GALNTL6: variants seen among roughly 807,000 people sequenced by gnomAD.
GALNTL6 encodes polypeptide N-acetylgalactosaminyltransferase-like 6.
A neutral mutation model predicts 73.7 loss-of-function variants in GALNTL6; 46 were observed. The ratio of observed to expected loss-of-function variants is 0.62; its 90% CI spans 0.49 to 0.80. The LOEUF (loss-of-function observed/expected upper bound fraction) is 0.80. GALNTL6 is among the 30% of genes least tolerant of loss of function. GALNTL6 has a pLI of 0.00. For synonymous variants in GALNTL6, 259 were observed against 263.7 expected (o/e 0.98, Z 0.17); for missense variants, 604 against 755.0 (o/e 0.80, Z 2.34).
intron 3 of GALNTL6, among the ~76,000 whole-genome samples, chr4:172,235,054 T>C (rs1004711447): frequency 6.6e-6 from 1 of 152,182 alleles, no homozygotes; most frequent in Non-Finnish European, 1.5e-5. Flanking sequence ...TCTAAATGTT[T>C]ATATTTATTA....
At chr4:172,611,839 T>C (rs980244405) in intron 5 of GALNTL6, among the ~76,000 whole-genome samples, 1 of 152,088 alleles carries the variant, frequency 6.6e-6, no homozygotes, top group Non-Finnish European at 1.5e-5. Flanking sequence ...GAGATTCTGA[T>C]TGTTTACACA....
chr4:172,684,703 C>T lies in GALNTL6; in HGVS notation c.554-124658C>T, dbSNP rs189197144. 3.9e-3 allele frequency among the ~76,000 whole-genome samples: 601 copies of T among 152,232 alleles called. 11 individuals carry two copies. Among genetic ancestry groups the T allele is most frequent in the Admixed American group, 4.7e-3 (72 of 15,290 alleles). ...TGGAAAAGAGATGAACCTTTGGTGG[C>T]TCACTGGGAGTGGAATGGCCTAGAA... On this transcript the variant is annotated intron_variant, in intron 5 of 12. Coordinates refer to ENST00000506823, the MANE Select transcript of GALNTL6 (RefSeq NM_001034845.3).
chr4:172,239,685 A>T (rs962972109), intron 3 of GALNTL6, among the ~76,000 whole-genome samples: 1 of 151,832 alleles, frequency 6.6e-6, no homozygotes, highest in African/African-American at 2.4e-5. Flanking sequence ...TTAGATTGTT[A>T]ATTTGAGATC....
intron 5 of GALNTL6, among the ~76,000 whole-genome samples, chr4:172,619,448 C>T (rs1738870690): frequency 1.3e-5 from 2 of 152,166 alleles, no homozygotes; most frequent in Admixed American, 6.6e-5. Context: ...TTTTCCCCAA[C>T]ATTATGACTC....
At chr4:171,898,225 G>A (rs1387907828) in intron 2 of GALNTL6, among the ~76,000 whole-genome samples, 1 of 152,010 alleles carries the variant, frequency 6.6e-6, no homozygotes, top group Non-Finnish European at 1.5e-5. Flanking sequence ...ACCAAGTGCT[G>A]GAGAAGGTAT....
chr4:172,428,635 A>C (rs991409704), intron 5 of GALNTL6, among the ~76,000 whole-genome samples: 3 of 152,194 alleles, frequency 2.0e-5, no homozygotes, highest in Non-Finnish European at 4.4e-5. Context: ...TTCAAAATAC[A>C]CTTAAGTCAT....
intron 12 of GALNTL6, among the ~76,000 whole-genome samples, chr4:173,026,269 C>T (rs192863352): frequency 3.3e-5 from 5 of 152,216 alleles, no homozygotes; most frequent in African/African-American, 7.2e-5. Flanking sequence ...CAAGTACCAC[C>T]GCAGGCAATT....
intron 2 of GALNTL6, among the ~76,000 whole-genome samples, chr4:171,935,684 T>C (rs1738320609): frequency 6.6e-6 from 1 of 152,158 alleles, no homozygotes; most frequent in African/African-American, 2.4e-5. Flanking sequence ...TGGCCCAGGC[T>C]TCTATATTTT....
intron 5 of GALNTL6, among the ~76,000 whole-genome samples, chr4:172,693,309 A>G (rs909223022): frequency 6.6e-6 from 1 of 152,166 alleles, no homozygotes; most frequent in African/African-American, 2.4e-5. Flanking sequence ...AATCCCACTT[A>G]TCAGTAAGTT....
At chr4:173,020,261 C>T (rs1018403719) in intron 11 of GALNTL6, among the ~76,000 whole-genome samples, 3 of 152,162 alleles carry the variant, frequency 2.0e-5, no homozygotes, top group Non-Finnish European at 4.4e-5. Flanking sequence ...CTTGTTAATA[C>T]ATTGTAAAGC....
intron 5 of GALNTL6, among the ~76,000 whole-genome samples, chr4:172,676,589 A>T (rs1732315154): frequency 6.6e-6 from 1 of 152,332 alleles, no homozygotes; most frequent in East Asian, 1.9e-4. Context: ...TCTTATACAA[A>T]ACACAAAGCA....
intron 5 of GALNTL6, among the ~76,000 whole-genome samples, chr4:172,377,629 C>T (rs370529170): frequency 1.6e-4 from 24 of 152,166 alleles, no homozygotes; most frequent in Admixed American, 9.2e-4. Context: ...GGGAGCCCAC[C>T]GGTTGTGGGG....
At chr4:172,190,760 T>C (rs1417777905) in intron 2 of GALNTL6, among the ~76,000 whole-genome samples, 2 of 152,220 alleles carry the variant, frequency 1.3e-5, no homozygotes, top group African/African-American at 2.4e-5. Flanking sequence ...GTGGAGAGCA[T>C]GATCAGATTT....
intron 10 of GALNTL6, among the ~76,000 whole-genome samples, chr4:172,964,391 T>C (rs1188034119): frequency 2.0e-5 from 3 of 152,232 alleles, no homozygotes; most frequent in Non-Finnish European, 4.4e-5. Flanking sequence ...ACCAGTGCCA[T>C]AAATTCTTTT....
At chr4:173,035,612 C>G (rs1422238196) in intron 12 of GALNTL6, among the ~76,000 whole-genome samples, 1 of 152,208 alleles carries the variant, frequency 6.6e-6, no homozygotes, top group Non-Finnish European at 1.5e-5. Context: ...ATTTGTCAAA[C>G]TCAACTGATG....
At position 171,847,586 on chromosome 4, in the gene GALNTL6, GTTAA is replaced by G. The variant is rs138400307; in HGVS notation, c.138+32871_138+32874del. 6.1e-3 allele frequency among the ~76,000 whole-genome samples: 928 copies of G among 152,204 alleles called. 11 individuals are homozygous for G. The highest frequency in any genetic ancestry group is 0.021 in the African/African-American group (859 of 41,540). ...ACAGTAAAACTTCTTTCAAAGAGGG[GTTAA>G]TTTTCTCAAACCCCGACACTGCTTT... On this transcript the variant is annotated intron_variant, in intron 2 of 12. Transcript: ENST00000506823.
At chr4:172,474,829 G>C (rs757560844) in intron 5 of GALNTL6, among the ~76,000 whole-genome samples, 16 of 152,124 alleles carry the variant, frequency 1.1e-4, no homozygotes, top group Admixed American at 6.5e-4. Flanking sequence ...AAAGACAGCT[G>C]TTCTATTTTT....
chr4:172,086,889 A>T (rs1732048926), intron 2 of GALNTL6, among the ~76,000 whole-genome samples: 1 of 152,148 alleles, frequency 6.6e-6, no homozygotes, highest in Non-Finnish European at 1.5e-5. Context: ...ATATTCGGAA[A>T]TTTTACTTCT....
At chr4:171,866,572 A>G (rs1008636873) in intron 2 of GALNTL6, among the ~76,000 whole-genome samples, 3 of 151,848 alleles carry the variant, frequency 2.0e-5, no homozygotes, top group Non-Finnish European at 2.9e-5. Context: ...TTATGAGATT[A>G]TAACTGTTTT....
Sources: allele counts gnomAD v4.1 joint callset (sites outside exome capture counted in the v4.1 genomes callset), GRCh38; gene constraint gnomAD v4.1.1; transcripts MANE v1.5; gene names NCBI Gene and HGNC (gene_info 2026-07-23, HGNC 2026-07-21).